The following CCNJL variants were observed in gnomAD, a reference collection of about 807,000 sequenced individuals.
The protein encoded by CCNJL is cyclin J like, also known as cyclin-J-like protein.
In CCNJL, 33 loss-of-function variants were observed where a neutral mutation model predicts 33.4. The observed-to-expected ratio is 0.99, with a 90% confidence interval of 0.75 to 1.32. The LOEUF (loss-of-function observed/expected upper bound fraction) is 1.32. CCNJL is among the 40% of genes most tolerant of loss of function. CCNJL has a pLI of 0.00. For synonymous variants in CCNJL, 227 were observed against 220.9 expected, an observed-to-expected ratio of 1.03 and a Z score of -0.24; for missense variants, 512 against 499.7, an observed-to-expected ratio of 1.02 and a Z score of -0.23.
At chr5:160,261,950 C>G (rs1461060254) in intron 3 of CCNJL, among the ~76,000 whole-genome samples, 1 of 152,182 alleles carries the variant, frequency 6.6e-6, no homozygotes, top group African/African-American at 2.4e-5. Flanking sequence ...ATGAATAGTC[C>G]TCTCAGGAAA....
intron 2 of CCNJL, among the ~76,000 whole-genome samples, chr5:160,283,006 T>TAC (rs1762286480): frequency 3.5e-5 from 2 of 57,500 alleles, no homozygotes; most frequent in Non-Finnish European, 6.2e-5. Flanking sequence ...TATATATATA[T>TAC]ATACATATAT....
Position 160,271,695 on chromosome 5 carries a change from A to G in CCNJL, c.280+8830T>C, listed in dbSNP as rs536640490. On this transcript the variant is annotated intron_variant, in intron 3 of 5. Transcript: ENST00000257536. ...CCTGTGCCGCGTGGCCACCACGCAA[A>G]CGTCACTGATTAGAGAAGCACCATT... Among the ~76,000 whole-genome samples the G allele has an allele frequency of 8.2e-4, 125 of 152,386 alleles. 1 individual carries two copies. In the South Asian group the frequency reaches 0.025, roughly 31 times the overall value.
At chr5:160,287,058 A>G (rs1218291522) in intron 2 of CCNJL, among the ~76,000 whole-genome samples, 1 of 152,190 alleles carries the variant, frequency 6.6e-6, no homozygotes, top group Non-Finnish European at 1.5e-5. Flanking sequence ...GATTAGCTTG[A>G]TACCTACAGA....
At chr5:160,275,751 C>T (rs926160617) in intron 3 of CCNJL, among the ~76,000 whole-genome samples, 11 of 152,204 alleles carry the variant, frequency 7.2e-5, no homozygotes, top group South Asian at 4.1e-4. Flanking sequence ...AAAAGGTCAC[C>T]TCTTGCCCTC....
At chr5:160,274,993 T>C (rs1168996110) in intron 3 of CCNJL, 1 of 152,116 alleles carries the variant, frequency 6.6e-6, no homozygotes, top group African/African-American at 2.4e-5. Context: ...GGGTAGTGTG[T>C]AGGGGTGTAA....
chr5:160,255,244 C>T (rs1385631750), intron 5 of CCNJL: 18 of 177,864 alleles, frequency 1.0e-4, no homozygotes, highest in Non-Finnish European at 2.0e-4. Flanking sequence ...ACCCGGGAGG[C>T]GGAGGTTGCA....
At chr5:160,272,919 T>C (rs1480735100) in intron 3 of CCNJL, among the ~76,000 whole-genome samples, 2 of 152,146 alleles carry the variant, frequency 1.3e-5, no homozygotes, top group African/African-American at 4.8e-5. Flanking sequence ...AAAAAAGAGA[T>C]GGCAACCTGA....
At chr5:160,314,171 A>C (rs1763349718), upstream of CCNJL, among the ~76,000 whole-genome samples, 1 of 152,202 alleles carries the variant, frequency 6.6e-6, no homozygotes. Context: ...CTCCGTCTCA[A>C]CAAACAAACG....
At chr5:160,256,256 C>A (rs926274988) in intron 4 of CCNJL, among the ~76,000 whole-genome samples, 1 of 152,190 alleles carries the variant, frequency 6.6e-6, no homozygotes, top group Non-Finnish European at 1.5e-5. Flanking sequence ...TCCCAGGGAG[C>A]AGCAAGGAGC....
At chr5:160,258,899 G>A (rs925736818) in intron 4 of CCNJL, among the ~76,000 whole-genome samples, 13 of 152,278 alleles carry the variant, frequency 8.5e-5, no homozygotes, top group South Asian at 2.1e-4. Flanking sequence ...GTTTCCCCAT[G>A]TTGGCCAGGA....
chr5:160,338,286 G>A (rs1763706570), intron 1 of CCNJL, among the ~76,000 whole-genome samples: 1 of 152,116 alleles, frequency 6.6e-6, no homozygotes, highest in South Asian at 2.1e-4. Context: ...TGTAGTCTGA[G>A]CTATTTGGGA....
chr5:160,256,417 C>T (rs1761065538), intron 4 of CCNJL, among the ~76,000 whole-genome samples: 2 of 152,186 alleles, frequency 1.3e-5, no homozygotes, highest in Admixed American at 1.3e-4. Context: ...AGTAGGCACT[C>T]AGTGAAAATC....
At chr5:160,266,720 C>A (rs1332556558) in intron 3 of CCNJL, among the ~76,000 whole-genome samples, 1 of 152,172 alleles carries the variant, frequency 6.6e-6, no homozygotes, top group Non-Finnish European at 1.5e-5. Context: ...GCACTCCAGA[C>A]CCGGGATCTT....
Position 160,249,407 on chromosome 5 carries a change from G to A in CCNJL, c.*3971C>T, listed in dbSNP as rs1760747956. The stretch of plus-strand genomic sequence containing the variant: ...ATCTCATATTTACTGGCAAATACAG[G>A]TAATTTCTGTGTACTTTGAGATAAT... On this transcript the variant is annotated 3_prime_UTR_variant, in exon 6 of 6. Coordinates refer to ENST00000257536, the MANE Select transcript of CCNJL (RefSeq NM_001308173.3). 6.6e-6 allele frequency: 1 copy of A among 152,150 alleles called. No homozygotes were observed. Among genetic ancestry groups the A allele is most frequent in the Non-Finnish European group, 1.5e-5 (1 of 68,034 alleles). 9.4% of individuals were successfully genotyped at this position (152,150 alleles called of 1,614,324 possible). A position where few individuals can be genotyped will look rare whatever the true frequency, so the allele number is the denominator to read the frequency against.
chr5:160,295,924 AGAATTCCTGGG>A (rs1762738394), intron 2 of CCNJL, among the ~76,000 whole-genome samples: 1 of 152,192 alleles, frequency 6.6e-6, no homozygotes, highest in Non-Finnish European at 1.5e-5. Context: ...TCACCGAATC[AGAATTCCTGGG>A]GATGGAGCTG....
At chr5:160,317,971 C>T (rs771315089) in intron 1 of CCNJL, among the ~76,000 whole-genome samples, 11 of 151,938 alleles carry the variant, frequency 7.2e-5, no homozygotes, top group South Asian at 4.1e-4. Context: ...TGTCTTCACA[C>T]GGGCTTCTTC....
chr5:160,311,743 A>T lies in CCNJL; in HGVS notation c.66+115T>A, dbSNP rs538232409. The stretch of plus-strand genomic sequence containing the variant: ...CCGGGAGAAGGTAAAGGGTAAGAGG[A>T]AAAAAAGGCACCCGGGAGTTCTGAG... On this transcript the variant is annotated intron_variant, in intron 2 of 5. Transcript: ENST00000257536. 39 of 949,130 alleles carry T rather than the reference A, an allele frequency of 4.1e-5. 1 individual carries two copies. The South Asian group carries it at 5.2e-4, about 13-fold the overall frequency. The allele number at this position is 949,130 out of a possible 1,614,324, so 58.8% of individuals were successfully genotyped here.
At chr5:160,317,715 T>C (rs537237561), upstream of CCNJL, among the ~76,000 whole-genome samples, 4 of 152,282 alleles carry the variant, frequency 2.6e-5, no homozygotes, top group Non-Finnish European at 4.4e-5. Context: ...GAAGGTGTTA[T>C]CAGTTTCTGG....
At chr5:160,272,785 CA>C (rs1188154720) in intron 3 of CCNJL, among the ~76,000 whole-genome samples, 3 of 152,140 alleles carry the variant, frequency 2.0e-5, no homozygotes, top group African/African-American at 7.2e-5. Flanking sequence ...CACTACTTAT[CA>C]AAATCTTCAG....
Sources: allele counts gnomAD v4.1 joint callset (sites outside exome capture counted in the v4.1 genomes callset), GRCh38; gene constraint gnomAD v4.1.1; transcripts MANE v1.5; gene names NCBI Gene and HGNC (gene_info 2026-07-23, HGNC 2026-07-21).